Variants in GAS2 observed in about 807,000 individuals in gnomAD.
The protein encoded by GAS2 is growth arrest specific 2.
GAS2 carries 20 observed loss-of-function variants against 37.5 expected under a neutral mutation model. That is an observed-to-expected ratio of 0.53 (90% CI 0.37 to 0.77). GAS2 has a LOEUF of 0.77. Among genes scored for constraint, GAS2 ranks in the 30% least tolerant of loss-of-function variants. The probability of loss-of-function intolerance (pLI) is 0.00; values close to 1 mark genes in which losing one functional copy is unlikely to be tolerated. For missense variants in GAS2, 336 were observed against 373.4 expected (o/e 0.90, Z 0.82); for synonymous variants, 144 against 132.2 (o/e 1.09, Z -0.61).
intron 2 of GAS2, among the ~76,000 whole-genome samples, chr11:22,683,502 G>C (rs1021925991): frequency 6.6e-6 from 1 of 152,104 alleles, no homozygotes; most frequent in African/African-American, 2.4e-5. Flanking sequence ...CTGATCTCAG[G>C]TGATCTGCCT....
At chr11:22,663,799 T>A (rs1848943645), upstream of GAS2, among the ~76,000 whole-genome samples, 1 of 152,218 alleles carries the variant, frequency 6.6e-6, no homozygotes, top group Admixed American at 6.5e-5. Context: ...GTAACACTAT[T>A]TGTAATGACT....
chr11:22,784,085 C>T (rs190164482), intron 7 of GAS2, among the ~76,000 whole-genome samples: 30 of 152,190 alleles, frequency 2.0e-4, no homozygotes, highest in African/African-American at 7.2e-4. Flanking sequence ...TATGGTTCCT[C>T]TGGCATTGTT....
intron 7 of GAS2, among the ~76,000 whole-genome samples, chr11:22,787,418 C>T (rs1463736828): frequency 6.6e-6 from 1 of 151,960 alleles, no homozygotes; most frequent in East Asian, 1.9e-4. Context: ...GCATAACATA[C>T]AATTATATGC....
At chr11:22,767,359 T>A (rs1036650999) in intron 7 of GAS2, among the ~76,000 whole-genome samples, 6 of 152,206 alleles carry the variant, frequency 3.9e-5, no homozygotes, top group South Asian at 2.1e-4. Flanking sequence ...AGTTTTTTTT[T>A]AAAAAACTTT....
chr11:22,663,805 T>G (rs961216274), upstream of GAS2, among the ~76,000 whole-genome samples: 3 of 152,200 alleles, frequency 2.0e-5, no homozygotes, highest in African/African-American at 7.2e-5. Context: ...CTATTTGTAA[T>G]GACTATGCTA....
At chr11:22,648,400 G>C (rs1391832629) in intron 1 of GAS2, among the ~76,000 whole-genome samples, 4 of 152,162 alleles carry the variant, frequency 2.6e-5, no homozygotes, top group Non-Finnish European at 4.4e-5. Flanking sequence ...TTGACTTGGT[G>C]ATGCGGGCTC....
chr11:22,676,727 CT>C (rs973420106), intron 2 of GAS2, among the ~76,000 whole-genome samples: 20 of 151,724 alleles, frequency 1.3e-4, no homozygotes, highest in African/African-American at 4.8e-4. Context: ...TAAATTTATT[CT>C]TTTTTTCAAC....
intron 3 of GAS2, among the ~76,000 whole-genome samples, chr11:22,705,229 C>T (rs1010212062): frequency 2.6e-5 from 4 of 152,098 alleles, no homozygotes; most frequent in African/African-American, 9.7e-5. Flanking sequence ...CACTGGACTC[C>T]TTGCAATTCT....
rs866021297 is a variant in GAS2 at position 22,755,989 on chromosome 11, G to T, written c.723+36G>T. Reference sequence around the variant, plus strand: ...ACTTTTCACTTATCTTGTTTTTATGGGAAGATTCAGAATTTGAGTTAGGGG... The same window carrying T: ...ACTTTTCACTTATCTTGTTTTTATGTGAAGATTCAGAATTTGAGTTAGGGG... On this transcript the variant is annotated intron_variant, in intron 7 of 7. Coordinates refer to ENST00000454584, the MANE Select transcript of GAS2 (RefSeq NM_001143830.3). 3.5e-6 allele frequency: 5 copies of T among 1,423,432 alleles called. No homozygotes were observed. In the African/African-American group the frequency reaches 5.6e-5, roughly 16 times the overall value. 88.2% of individuals were successfully genotyped at this position (1,423,432 alleles called of 1,614,324 possible).
At chr11:22,795,148 A>G (rs1430198511) in intron 7 of GAS2, among the ~76,000 whole-genome samples, 1 of 152,160 alleles carries the variant, frequency 6.6e-6, no homozygotes. Flanking sequence ...TTCCATTTGA[A>G]CTTCAGACAA....
At chr11:22,774,611 G>A (rs1855157245) in intron 7 of GAS2, among the ~76,000 whole-genome samples, 1 of 152,238 alleles carries the variant, frequency 6.6e-6, no homozygotes. Flanking sequence ...ACTAAAGGCA[G>A]TATTTGGTAT....
intron 7 of GAS2, among the ~76,000 whole-genome samples, chr11:22,795,649 T>C (rs1033715606): frequency 9.2e-5 from 14 of 152,048 alleles, no homozygotes; most frequent in African/African-American, 3.4e-4. Context: ...TGGTAGGAGA[T>C]GAAGTTAGAG....
At chr11:22,683,840 A>G (rs1302866515) in intron 2 of GAS2, among the ~76,000 whole-genome samples, 6 of 152,220 alleles carry the variant, frequency 3.9e-5, no homozygotes, top group Admixed American at 2.0e-4. Flanking sequence ...AGATACAAAA[A>G]ATAATAATAA....
At chr11:22,668,949 A>G (rs1382432305) in intron 1 of GAS2, among the ~76,000 whole-genome samples, 3 of 152,220 alleles carry the variant, frequency 2.0e-5, no homozygotes, top group Admixed American at 2.0e-4. Flanking sequence ...TTTTTTGACT[A>G]GAGAAATGAA....
At chr11:22,679,426 A>G (rs1849575141) in intron 2 of GAS2, among the ~76,000 whole-genome samples, 2 of 152,240 alleles carry the variant, frequency 1.3e-5, no homozygotes, top group East Asian at 1.9e-4. Context: ...ATGCATATAT[A>G]AATAAATCTT....
chr11:22,755,981 T>A (rs1854013220), intron 7 of GAS2, 28 bp downstream of exon 7: 1 of 1,465,790 alleles, frequency 6.8e-7, no homozygotes, highest in South Asian at 1.2e-5. Context: ...ACTTATCTTG[T>A]TTTTATGGGA....
intron 7 of GAS2, among the ~76,000 whole-genome samples, chr11:22,805,145 C>A (rs1451131198): frequency 6.6e-6 from 1 of 151,532 alleles, no homozygotes; most frequent in Non-Finnish European, 1.5e-5. Context: ...ATTTTAATCT[C>A]TATAATCAGA....
Position 22,750,360 on chromosome 11 carries a change from T to C in GAS2, c.615+1099T>C, listed in dbSNP as rs1853660152. ...TTTTGCTTTTCTCCATGTGACACGA[T>C]CAACTATATTGCAGATTTAGATGAG... is the stretch of plus-strand genomic sequence containing the variant. On this transcript the variant is annotated intron_variant, in intron 6 of 7. Transcript: ENST00000454584. Among the ~76,000 whole-genome samples the C allele has an allele frequency of 4.6e-5, 7 of 152,102 alleles. No individual in the cohort carries two copies. The South Asian group carries it at 1.4e-3, about 31-fold the overall frequency.
At chr11:22,781,012 G>A (rs888915502) in intron 7 of GAS2, among the ~76,000 whole-genome samples, 2 of 152,114 alleles carry the variant, frequency 1.3e-5, no homozygotes, top group Non-Finnish European at 2.9e-5. Context: ...CTGAATTAGG[G>A]CATTTGACCT....
Sources: allele counts gnomAD v4.1 joint callset (sites outside exome capture counted in the v4.1 genomes callset), GRCh38; gene constraint gnomAD v4.1.1; transcripts MANE v1.5; gene names NCBI Gene and HGNC (gene_info 2026-07-23, HGNC 2026-07-21).